The following TMEM117 variants were observed in gnomAD, a reference collection of about 807,000 sequenced individuals.
TMEM117 encodes the protein transmembrane protein 117.
Under a neutral mutation model 52.4 loss-of-function variants are expected in TMEM117, and 27 were observed. The observed-to-expected ratio is 0.51, with a 90% CI of 0.38 to 0.71. TMEM117 has a LOEUF of 0.71. Ranked by LOEUF, TMEM117 falls within the 30% of genes least tolerant of loss-of-function variation. The pLI is 0.00. For synonymous variants in TMEM117, 215 were observed against 206.3 expected, an observed-to-expected ratio of 1.04 and a Z score of -0.36; for missense variants, 556 against 630.5, an observed-to-expected ratio of 0.88 and a Z score of 1.26.
chr12:44,078,768 G>A (rs905881531), intron 3 of TMEM117, among the ~76,000 whole-genome samples: 1 of 151,908 alleles, frequency 6.6e-6, no homozygotes, highest in African/African-American at 2.4e-5. Context: ...GTGCAGGTTT[G>A]TTATATAGGT....
At chr12:43,905,731 T>A (rs1168105846) in intron 2 of TMEM117, among the ~76,000 whole-genome samples, 1 of 152,194 alleles carries the variant, frequency 6.6e-6, no homozygotes. Flanking sequence ...TATGAATTTC[T>A]GGATGTGGCA....
At chr12:44,276,860 T>G (rs932154112) in intron 5 of TMEM117, among the ~76,000 whole-genome samples, 5 of 151,890 alleles carry the variant, frequency 3.3e-5, no homozygotes, top group African/African-American at 1.2e-4. Flanking sequence ...TTTTTTCCTT[T>G]GAGAAGTTCT....
At chr12:43,928,540 A>G (rs1432295956) in intron 2 of TMEM117, among the ~76,000 whole-genome samples, 1 of 152,052 alleles carries the variant, frequency 6.6e-6, no homozygotes, top group African/African-American at 2.4e-5. Flanking sequence ...TTACATAACT[A>G]TCAAATATTT....
the TMEM117 span, chr12:43,799,497 A>C: frequency 6.3e-7 from 1 of 1,584,424 alleles, no homozygotes; most frequent in African/African-American, 1.3e-5. Context: ...GTAATGATAC[A>C]TCTTCCTGTA....
chr12:44,064,776 G>T (rs886604622), intron 3 of TMEM117, among the ~76,000 whole-genome samples: 1 of 152,064 alleles, frequency 6.6e-6, no homozygotes, highest in Non-Finnish European at 1.5e-5. Flanking sequence ...TAGGTCAAAG[G>T]TTATATAAAG....
intron 2 of TMEM117, among the ~76,000 whole-genome samples, chr12:43,875,693 A>G (rs970554340): frequency 3.9e-5 from 6 of 152,216 alleles, no homozygotes; most frequent in African/African-American, 1.2e-4. Flanking sequence ...CAGGGCCTAG[A>G]ACAAAAACCT....
intron 2 of TMEM117, among the ~76,000 whole-genome samples, chr12:43,943,745 C>A (rs1032806825): frequency 2.6e-5 from 4 of 152,128 alleles, no homozygotes; most frequent in African/African-American, 4.8e-5. Context: ...GTACCTTAAA[C>A]AATTAGACCT....
chr12:44,360,333 A>G (rs1951703781), intron 6 of TMEM117, among the ~76,000 whole-genome samples: 1 of 152,060 alleles, frequency 6.6e-6, no homozygotes. Flanking sequence ...TAATCCCAGA[A>G]CTTTGGGAGG....
At chr12:43,936,848 T>G (rs1287628902) in intron 2 of TMEM117, among the ~76,000 whole-genome samples, 1 of 151,962 alleles carries the variant, frequency 6.6e-6, no homozygotes, top group African/African-American at 2.4e-5. Context: ...TCTCGGTAAG[T>G]GGGTGTGATA....
chr12:43,934,965 A>T (rs1266406528), intron 2 of TMEM117, among the ~76,000 whole-genome samples: 1 of 152,128 alleles, frequency 6.6e-6, no homozygotes, highest in Non-Finnish European at 1.5e-5. Flanking sequence ...TTCATGGAAT[A>T]ATTCTCATAT....
At chr12:43,887,003 A>G (rs1944007511) in intron 2 of TMEM117, among the ~76,000 whole-genome samples, 1 of 152,048 alleles carries the variant, frequency 6.6e-6, no homozygotes, top group Non-Finnish European at 1.5e-5. Context: ...ACATGCCACG[A>G]CAACCAGCTA....
chr12:43,973,230 C>G (rs1945620139), intron 3 of TMEM117, among the ~76,000 whole-genome samples: 1 of 152,010 alleles, frequency 6.6e-6, no homozygotes, highest in Non-Finnish European at 1.5e-5. Flanking sequence ...GAGTCCCAGG[C>G]TACCAGAATT....
At chr12:43,904,362 AG>A (rs1944350939) in intron 2 of TMEM117, among the ~76,000 whole-genome samples, 1 of 152,192 alleles carries the variant, frequency 6.6e-6, no homozygotes, top group East Asian at 1.9e-4. Context: ...GGACAGAGCA[AG>A]ATCCTGTCTT....
intron 2 of TMEM117, among the ~76,000 whole-genome samples, chr12:43,902,386 G>T (rs896991004): frequency 1.3e-5 from 2 of 152,220 alleles, no homozygotes. Context: ...GCTGGGACTT[G>T]ATTTCAGGAA....
At chr12:43,875,785 G>A (rs965783858) in intron 2 of TMEM117, among the ~76,000 whole-genome samples, 1 of 152,074 alleles carries the variant, frequency 6.6e-6, no homozygotes, top group African/African-American at 2.4e-5. Context: ...GTGAATAAGG[G>A]AAAGAAATCA....
At chr12:43,916,031 C>T (rs961461116) in intron 2 of TMEM117, among the ~76,000 whole-genome samples, 1 of 151,620 alleles carries the variant, frequency 6.6e-6, no homozygotes, top group African/African-American at 2.4e-5. Flanking sequence ...GATGGTTGGG[C>T]AAGAAAAAAG....
At chr12:44,092,566 C>G (rs544555711) in intron 3 of TMEM117, among the ~76,000 whole-genome samples, 2 of 152,292 alleles carry the variant, frequency 1.3e-5, no homozygotes, top group East Asian at 3.9e-4. Context: ...AACAACACCT[C>G]TCGCCCACAC....
intron 3 of TMEM117, among the ~76,000 whole-genome samples, chr12:43,990,912 C>T (rs1211642477): frequency 2.0e-5 from 3 of 152,204 alleles, no homozygotes; most frequent in South Asian, 2.1e-4. Context: ...TGGAAATTAG[C>T]ATATTATTAT....
At chr12:43,910,343 T>C (rs28814337) in intron 2 of TMEM117, among the ~76,000 whole-genome samples, 88,159 of 128,020 alleles carry the variant, frequency 0.69, 32,913 homozygotes, top group East Asian at 0.85. Flanking sequence ...TGGGACGTAT[T>C]TCAAAATAAT....
Sources: gnomAD v4.1 joint callset for allele counts (sites outside exome capture counted in the v4.1 genomes callset) on GRCh38, gnomAD v4.1.1 for gene constraint, MANE v1.5 for transcripts, NCBI Gene and HGNC (gene_info 2026-07-23, HGNC 2026-07-21) for gene names.